The following ZNF569 variants were observed in gnomAD, a reference collection of about 807,000 sequenced individuals.
The protein encoded by ZNF569 is DNA-binding protein.
In ZNF569, 38 loss-of-function variants were observed where a neutral mutation model predicts 56.3. The ratio of observed to expected loss-of-function variants is 0.68; its 90% CI spans 0.52 to 0.88. The LOEUF (loss-of-function observed/expected upper bound fraction) is 0.88. Among genes scored for constraint, ZNF569 ranks in the 40% least tolerant of loss-of-function variants. The pLI is 0.00. For synonymous variants in ZNF569, 241 were observed against 262.9 expected (o/e 0.92, Z 0.81); for missense variants, 666 against 809.2 (o/e 0.82, Z 2.15).
chr19:37,414,433 C>T lies in ZNF569; in HGVS notation c.239-14G>A, dbSNP rs766155508. On this transcript the variant is annotated splice_polypyrimidine_tract_variant and intron_variant, in intron 5 of 5. Coordinates refer to ENST00000316950, the MANE Select transcript of ZNF569 (RefSeq NM_152484.3). Reference sequence around the variant, plus strand: ...CCCATATTTCTCCTAAAACAGATTGCAAATAAATATCACTTACAAATTTTT... The same window carrying T: ...CCCATATTTCTCCTAAAACAGATTGTAAATAAATATCACTTACAAATTTTT... 3 of 1,531,604 alleles carry T rather than the reference C, an allele frequency of 2.0e-6. No individual in the cohort carries two copies. The East Asian group carries it at 6.9e-5, about 35-fold the overall frequency. The allele number at this position is 1,531,604 out of a possible 1,614,324, so 94.9% of individuals were successfully genotyped here.
At chr19:37,460,001 A>G (rs1290664120) in intron 2 of ZNF569, among the ~76,000 whole-genome samples, 1 of 152,260 alleles carries the variant, frequency 6.6e-6, no homozygotes, top group African/African-American at 2.4e-5. Context: ...AAAATGCTCA[A>G]TGAAAACCGT....
In ZNF569 at chr19:37,413,320, A is replaced by G; in HGVS notation, c.1338T>C (p.Ala446=). Residue 446 remains alanine, a synonymous_variant, in exon 6 of 6, where the codon GCT becomes GCC. Coordinates refer to ENST00000316950, the MANE Select transcript of ZNF569 (RefSeq NM_152484.3). ...TAACAAGATTTGACATCTGTATAAA[A>G]GCTTTCCCACATTCATTACACTCAT... The part of the protein sequence containing the change: ...KPYECNECGK[A]FIQMSNLVRH... The G allele has an allele frequency of 6.2e-7, 1 of 1,607,726 alleles. No individual in the cohort carries two copies. The highest frequency in any genetic ancestry group is 8.5e-7 in the Non-Finnish European group (1 of 1,178,010).
intron 2 of ZNF569, among the ~76,000 whole-genome samples, chr19:37,461,517 G>T (rs1395588907): frequency 1.3e-5 from 2 of 151,986 alleles, no homozygotes; most frequent in Non-Finnish European, 1.5e-5. Flanking sequence ...ATGTTGGTCA[G>T]GATGGTCTTG....
chr19:37,429,100 A>G (rs759032854), intron 3 of ZNF569, among the ~76,000 whole-genome samples: 21 of 152,202 alleles, frequency 1.4e-4, no homozygotes, highest in Non-Finnish European at 2.9e-4. Context: ...CTTCTATTCC[A>G]ATATTTATTC....
chr19:37,440,371 A>C (rs985690498), intron 3 of ZNF569, among the ~76,000 whole-genome samples: 2 of 152,302 alleles, frequency 1.3e-5, no homozygotes, highest in African/African-American at 4.8e-5. Flanking sequence ...AGAATAGGTA[A>C]ATCCACAGAG....
intron 2 of ZNF569, among the ~76,000 whole-genome samples, chr19:37,462,264 C>T (rs1224293305): frequency 6.6e-6 from 1 of 152,142 alleles, no homozygotes; most frequent in Non-Finnish European, 1.5e-5. Flanking sequence ...GCCACTAGAT[C>T]TCATTTGCTC....
At chr19:37,443,673 C>T (rs1461964362) in intron 3 of ZNF569, among the ~76,000 whole-genome samples, 1 of 152,042 alleles carries the variant, frequency 6.6e-6, no homozygotes, top group East Asian at 1.9e-4. Flanking sequence ...CTGAAAGACA[C>T]ACATCCCACC....
At chr19:37,445,279 A>G (rs2041474346) in intron 2 of ZNF569, among the ~76,000 whole-genome samples, 1 of 152,246 alleles carries the variant, frequency 6.6e-6, no homozygotes, top group South Asian at 2.1e-4. Flanking sequence ...ATTTTAAAGT[A>G]TTGAGACATT....
At chr19:37,428,636 C>A (rs2041175121) in intron 3 of ZNF569, among the ~76,000 whole-genome samples, 2 of 146,586 alleles carry the variant, frequency 1.4e-5, no homozygotes, top group Admixed American at 6.8e-5. Context: ...AACATTAAAA[C>A]TAATTGATAT....
intron 3 of ZNF569, chr19:37,431,761 T>TTCCA (rs1382757883): frequency 6.6e-6 from 1 of 152,278 alleles, no homozygotes; most frequent in South Asian, 2.1e-4. Context: ...GCCTCTTGCA[T>TTCCA]GGTATTTCTG....
intron 5 of ZNF569, among the ~76,000 whole-genome samples, chr19:37,415,714 CAAA>C (rs34061624): frequency 1.8e-4 from 23 of 125,938 alleles, no homozygotes; most frequent in South Asian, 2.5e-4. Flanking sequence ...ACTAAAAATA[CAAA>C]AAAAAAAAAA....
At chr19:37,447,605 A>G (rs1023738404) in intron 2 of ZNF569, among the ~76,000 whole-genome samples, 1 of 152,138 alleles carries the variant, frequency 6.6e-6, no homozygotes, top group African/African-American at 2.4e-5. Context: ...CCCTTATTGC[A>G]CTGGCTAGGA....
intron 3 of ZNF569, among the ~76,000 whole-genome samples, chr19:37,442,754 C>T (rs1162398431): frequency 6.6e-6 from 1 of 152,056 alleles, no homozygotes; most frequent in Non-Finnish European, 1.5e-5. Flanking sequence ...AACTGAACTA[C>T]AACTAGATGC....
intron 2 of ZNF569, among the ~76,000 whole-genome samples, chr19:37,449,845 G>C (rs953538204): frequency 6.6e-6 from 1 of 152,044 alleles, no homozygotes; most frequent in Non-Finnish European, 1.5e-5. Context: ...TCTGTAACTG[G>C]TGCATTCAGA....
rs776955172 is a variant in ZNF569 at position 37,426,236 on chromosome 19, A to G, written c.142+16T>C. The stretch of plus-strand genomic sequence containing the variant: ...TTTCTTTCCAGAGTTTGAATTATAT[A>G]GTAAATTACTCTTACCTACTGTGAT... On this transcript the variant is annotated intron_variant, in intron 4 of 5. Transcript: ENST00000316950. 3.1e-6 allele frequency: 5 copies of G among 1,591,606 alleles called. No individual in the cohort carries two copies. Among genetic ancestry groups the G allele is most frequent in the Middle Eastern group, 1.7e-4 (1 of 5,936 alleles).
intron 5 of ZNF569, among the ~76,000 whole-genome samples, chr19:37,419,969 C>CTTTT (rs60568702): frequency 3.5e-3 from 351 of 100,582 alleles, no homozygotes; most frequent in Non-Finnish European, 5.3e-3. Flanking sequence ...TCTTTTCTTT[C>CTTTT]TTTTTTTTTT....
chr19:37,436,553 TAAA>T (rs2041312639), intron 3 of ZNF569, among the ~76,000 whole-genome samples: 1 of 151,474 alleles, frequency 6.6e-6, no homozygotes, highest in Non-Finnish European at 1.5e-5. Flanking sequence ...ATCAGTTTTT[TAAA>T]AAAATGAAAT....
rs760789624 is a variant in ZNF569 at position 37,413,257 on chromosome 19, T to C, written c.1401A>G (p.Ile467Met). Residue 467 changes from isoleucine to methionine, a missense_variant, in exon 6 of 6, where the codon ATA becomes ATG. By Grantham distance (10) the Ile-to-Met change is conservative. Coordinates refer to ENST00000316950, the MANE Select transcript of ZNF569 (RefSeq NM_152484.3). ...TAAAGGCTTTCCCACATTCCTTACA[T>C]ATATAGGGTTTTTCCCCAGTATGAA... ...QRIHTGEKPY[I>M]CKECGKAFSQ... 2.5e-6 allele frequency: 4 copies of C among 1,611,488 alleles called. No homozygotes were observed. The South Asian group carries it at 3.3e-5, about 13-fold the overall frequency.
intron 2 of ZNF569, among the ~76,000 whole-genome samples, chr19:37,457,999 T>C (rs1033929418): frequency 1.3e-5 from 2 of 152,108 alleles, no homozygotes; most frequent in Non-Finnish European, 1.5e-5. Flanking sequence ...GCCTCCCAAG[T>C]AGCTGGGACC....
Sources: allele counts gnomAD v4.1 joint callset (sites outside exome capture counted in the v4.1 genomes callset), GRCh38; gene constraint gnomAD v4.1.1; transcripts MANE v1.5; gene names NCBI Gene and HGNC (gene_info 2026-07-23, HGNC 2026-07-21).